The following FNDC7 variants were observed in gnomAD, a reference collection of about 807,000 sequenced individuals.
The protein encoded by FNDC7 is fibronectin type III domain containing 7.
In FNDC7, 66 loss-of-function variants were observed where a neutral mutation model predicts 74.2. The observed-to-expected ratio is 0.89, with a 90% CI of 0.73 to 1.09. The LOEUF (loss-of-function observed/expected upper bound fraction) is 1.09. Among genes scored for constraint, FNDC7 ranks in the 50% least tolerant of loss-of-function variants. The pLI, the probability that FNDC7 is intolerant of heterozygous loss-of-function variation, is 0.00. For synonymous variants in FNDC7, 307 were observed against 330.2 expected, an observed-to-expected ratio of 0.93 and a Z score of 0.76; for missense variants, 829 against 893.4, an observed-to-expected ratio of 0.93 and a Z score of 0.92.
intron 10 of FNDC7, 46 bp downstream of exon 10, chr1:108,733,578 T>C: frequency 6.4e-7 from 1 of 1,569,088 alleles, no homozygotes; most frequent in South Asian, 1.1e-5. Context: ...CCTGAACTCA[T>C]ATCTGTGAAT....
chr1:108,720,457 T>C (rs913578471), intron 4 of FNDC7, among the ~76,000 whole-genome samples: 1 of 152,136 alleles, frequency 6.6e-6, no homozygotes, highest in African/African-American at 2.4e-5. Context: ...CTAGAATAAC[T>C]TGTTTCTTAA....
intron 2 of FNDC7, among the ~76,000 whole-genome samples, chr1:108,714,236 C>T (rs1203010276): frequency 6.6e-6 from 1 of 152,098 alleles, no homozygotes; most frequent in Admixed American, 6.5e-5. Flanking sequence ...AGTGATTCAA[C>T]ATAAATTAGA....
In FNDC7 at chr1:108,727,883, G is replaced by A. The variant is rs746921716; in HGVS notation, c.1187G>A (p.Arg396His). The change falls in exon 7 of 13, where the codon CGT (arginine) becomes CAT (histidine). Residue 396 changes from arginine to histidine, a missense_variant. Transcript: ENST00000370017. ...DRVEIVWSPV[R>H]GAELYETKAV... ...GTTGAGATTGTCTGGTCTCCTGTCC[G>A]TGGTGCCGAACTGTATGAAACCAAG... The A allele has an allele frequency of 1.5e-5, 25 of 1,614,042 alleles. No individual in the cohort carries two copies. The highest frequency in any genetic ancestry group is 6.7e-5 in the East Asian group (3 of 44,898).
chr1:108,725,571 T>C (rs1305401133), intron 5 of FNDC7, among the ~76,000 whole-genome samples, 179 bp from the exon 6 acceptor site: 1 of 152,208 alleles, frequency 6.6e-6, no homozygotes, highest in African/African-American at 2.4e-5. Context: ...TAGCCTTTGG[T>C]CCTATAAAGA....
At chr1:108,713,598 G>C in intron 2 of FNDC7, 69 bp downstream of exon 2, 2 of 1,373,014 alleles carry the variant, frequency 1.5e-6, no homozygotes, top group Non-Finnish European at 2.0e-6. Flanking sequence ...TAATTCACGG[G>C]CTACCCTGAA....
chr1:108,727,668 T>C (rs561251775), intron 6 of FNDC7, 140 bp from the exon 7 acceptor site: 61 of 1,012,508 alleles, frequency 6.0e-5, no homozygotes, highest in Non-Finnish European at 8.5e-5. Flanking sequence ...GATTGGACCT[T>C]GACAGACCCA....
At chr1:108,732,764 T>G (rs1250494690) in intron 9 of FNDC7, among the ~76,000 whole-genome samples, 1 of 151,716 alleles carries the variant, frequency 6.6e-6, no homozygotes, top group African/African-American at 2.4e-5. Flanking sequence ...CTGTCTGTCT[T>G]TCTTTCTTTT....
At chr1:108,730,976 CA>C (rs775629717) in intron 9 of FNDC7, 48 bp downstream of exon 9, 21 of 1,543,636 alleles carry the variant, frequency 1.4e-5, no homozygotes, top group Non-Finnish European at 1.8e-5. Flanking sequence ...TGACTATTAT[CA>C]ATCCAGGCAT....
At chr1:108,717,717 ATG>A in intron 2 of FNDC7, 58 bp from the exon 3 acceptor site, 1 of 1,506,348 alleles carries the variant, frequency 6.6e-7, no homozygotes, top group Non-Finnish European at 9.0e-7. Flanking sequence ...GAGTAAAATG[ATG>A]AAAGAAGTCA....
rs373434600 is a variant in FNDC7 at position 108,714,836 on chromosome 1, G to A, written c.82+1307G>A. 1.8e-3 allele frequency among the ~76,000 whole-genome samples: 273 copies of A among 151,820 alleles called. 1 individual carries two copies. The highest frequency in any genetic ancestry group is 6.2e-3 in the African/African-American group (256 of 41,428). On this transcript the variant is annotated intron_variant, in intron 2 of 12. Coordinates refer to ENST00000370017, the MANE Select transcript of FNDC7 (RefSeq NM_001144937.3). ...TCTCGATCACCTGACCTCATGATCCGCCCGCCTCGGCCTCCCAAAGTGCTG... is the reference window on the plus strand; with the variant it reads ...TCTCGATCACCTGACCTCATGATCCACCCGCCTCGGCCTCCCAAAGTGCTG...
At chr1:108,728,609 A>T in intron 7 of FNDC7, 23 bp from the exon 8 acceptor site, 2 of 1,612,976 alleles carry the variant, frequency 1.2e-6, no homozygotes, top group Non-Finnish European at 1.7e-6. Context: ...TGCTGGTTCA[A>T]TTAATACTCT....
At chr1:108,718,678 C>T in intron 3 of FNDC7, 111 bp from the exon 4 acceptor site, 3 of 1,211,688 alleles carry the variant, frequency 2.5e-6, no homozygotes, top group Non-Finnish European at 3.4e-6. Context: ...GAATGCTCTT[C>T]TAAAGCAAAT....
chr1:108,736,151 G>A (rs1323337100), intron 10 of FNDC7, among the ~76,000 whole-genome samples: 1 of 152,110 alleles, frequency 6.6e-6, no homozygotes, highest in Non-Finnish European at 1.5e-5. Flanking sequence ...TCCGTCCTGA[G>A]AGGACTCTAT....
chr1:108,725,603 G>A, intron 5 of FNDC7, 147 bp from the exon 6 acceptor site: 3 of 807,150 alleles, frequency 3.7e-6, no homozygotes, highest in Non-Finnish European at 5.7e-6. Context: ...TGCTTCCAGT[G>A]CACAGTTTTG....
rs370375562 is a variant in FNDC7 at position 108,725,913 on chromosome 1, A to G, written c.1020A>G (p.Leu340=). The G allele has an allele frequency of 1.2e-6, 2 of 1,614,036 alleles. No individual in the cohort carries two copies. Among genetic ancestry groups the G allele is most frequent in the African/African-American group, 2.7e-5 (2 of 74,914 alleles). Residue 340 remains leucine (L), a synonymous_variant, in exon 6 of 13, where the codon TTA becomes TTG. Transcript: ENST00000370017. ...CATCTCTCACTCAGTGCAACTTCTT[A>G]TCTGAGTGTGGCTTCACTTATTTTA... The part of the protein sequence containing the change: ...CNTSLTQCNF[L]SECGFTYFIS...
At position 108,741,974 on chromosome 1, in the gene FNDC7, T is replaced by C. The variant is rs952083816; in HGVS notation, c.*87T>C. 2.8e-6 allele frequency: 2 copies of C among 706,486 alleles called. No individual in the cohort carries two copies. Among genetic ancestry groups the C allele is most frequent in the Admixed American group, 2.8e-5 (1 of 35,218 alleles). 43.8% of individuals were successfully genotyped at this position (706,486 alleles called of 1,614,324 possible). ...GAGATGGAAAAGATCTACTAGAATG[T>C]AGAATAAAAATGCCTCTAGGATAGG... On this transcript the variant is annotated 3_prime_UTR_variant, in exon 13 of 13. Transcript: ENST00000370017.
chr1:108,740,868 T>C (rs1428562142), intron 11 of FNDC7, among the ~76,000 whole-genome samples: 1 of 152,256 alleles, frequency 6.6e-6, no homozygotes, highest in Non-Finnish European at 1.5e-5. Context: ...TAAGCTCATA[T>C]CACATTCTAT....
At chr1:108,737,474 A>C (rs745610486) in intron 10 of FNDC7, 21 bp from the exon 11 acceptor site, 1 of 1,558,684 alleles carries the variant, frequency 6.4e-7, no homozygotes, top group South Asian at 1.2e-5. Flanking sequence ...TTTATTTTAA[A>C]TGCTTGTGTT....
chr1:108,728,710 A>G lies in FNDC7; in HGVS notation c.1448A>G (p.Asp483Gly). 6.2e-7 allele frequency: 1 copy of G among 1,614,266 alleles called. No homozygotes were observed. Among genetic ancestry groups the G allele is most frequent in the Non-Finnish European group, 8.5e-7 (1 of 1,180,042 alleles). The stretch of plus-strand genomic sequence containing the variant: ...AATGTGCACTGGCGATCCACTAATG[A>G]TGATGCTACTTACACGGTGACTGCC... Reference protein sequence around the residue: ...MINVHWRSTNDDATYTVTAQG... With the variant: ...MINVHWRSTNGDATYTVTAQG... Residue 483 changes from aspartate (D) to glycine (G), a missense_variant, in exon 8 of 13, where the codon GAT becomes GGT. By Grantham distance (94) the Asp-to-Gly change is moderately conservative. Transcript: ENST00000370017.
Sources: allele counts gnomAD v4.1 joint callset (sites outside exome capture counted in the v4.1 genomes callset), GRCh38; gene constraint gnomAD v4.1.1; transcripts MANE v1.5; gene names NCBI Gene and HGNC (gene_info 2026-07-23, HGNC 2026-07-21).